PLCB1: variants seen among roughly 807,000 people sequenced by gnomAD.
PLCB1 encodes the protein 1-phosphatidylinositol 4,5-bisphosphate phosphodiesterase beta-1.
In PLCB1, 46 loss-of-function variants were observed where a neutral mutation model predicts 161.8. The ratio of observed to expected loss-of-function variants is 0.28; its 90% confidence interval spans 0.22 to 0.36. PLCB1 has a LOEUF of 0.36. Ranked by LOEUF, PLCB1 falls within the 10% of genes least tolerant of loss-of-function variation. The pLI is 1.00. For missense variants in PLCB1, 1,016 were observed against 1,472.5 expected (o/e 0.69, Z 5.07); for synonymous variants, 517 against 503.7 (o/e 1.03, Z -0.35).
chr20:8,793,797 C>G (rs1005318355), intron 31 of PLCB1, among the ~76,000 whole-genome samples: 1 of 152,162 alleles, frequency 6.6e-6, no homozygotes, highest in Non-Finnish European at 1.5e-5. Context: ...ATCAACTGGT[C>G]TGACCAAAAT....
intron 2 of PLCB1, among the ~76,000 whole-genome samples, chr20:8,297,889 T>G (rs201922564): frequency 6.7e-6 from 1 of 148,214 alleles, no homozygotes; most frequent in Non-Finnish European, 1.5e-5. Context: ...GATTTCTTTT[T>G]GGGTTTTTTT....
At chr20:8,288,602 A>G (rs888403482) in intron 2 of PLCB1, among the ~76,000 whole-genome samples, 5 of 152,164 alleles carry the variant, frequency 3.3e-5, no homozygotes, top group African/African-American at 1.2e-4. Flanking sequence ...CCAGAGGTGC[A>G]TGCATAAACT....
In PLCB1 at chr20:8,791,047, AC is replaced by A. The variant is rs538928997; in HGVS notation, c.3423+787del. On this transcript the variant is annotated intron_variant, in intron 31 of 31. Coordinates refer to ENST00000338037, the MANE Select transcript of PLCB1 (RefSeq NM_015192.4). ...TTTCTCGAGTCCTAAAAGTTAAAAA[AC>A]GTTAGTTTTATTTAATTGTATGTTT... 2.7e-3 allele frequency among the ~76,000 whole-genome samples: 410 copies of A among 152,174 alleles called. 2 individuals carry two copies. Among genetic ancestry groups the A allele is most frequent in the Non-Finnish European group, 4.6e-3 (311 of 67,980 alleles).
chr20:8,432,206 C>T (rs756820105), intron 3 of PLCB1, among the ~76,000 whole-genome samples: 3 of 152,292 alleles, frequency 2.0e-5, no homozygotes, highest in Non-Finnish European at 4.4e-5. Flanking sequence ...GGACGCTCCG[C>T]AAGGCCAGAA....
At chr20:8,590,656 C>T (rs1159118240) in intron 3 of PLCB1, among the ~76,000 whole-genome samples, 3 of 152,164 alleles carry the variant, frequency 2.0e-5, no homozygotes, top group Non-Finnish European at 4.4e-5. Flanking sequence ...CTCACCTTTT[C>T]CAGCTTCATA....
At chr20:8,810,965 C>A (rs1459391554) in intron 31 of PLCB1, among the ~76,000 whole-genome samples, 1 of 151,926 alleles carries the variant, frequency 6.6e-6, no homozygotes, top group African/African-American at 2.4e-5. Flanking sequence ...AGATTGAGAC[C>A]CTGTCTCAAA....
intron 31 of PLCB1, among the ~76,000 whole-genome samples, chr20:8,803,249 CCTTT>C (rs1294974507): frequency 6.6e-6 from 1 of 151,764 alleles, no homozygotes; most frequent in Non-Finnish European, 1.5e-5. Context: ...GGAAAGTCTG[CCTTT>C]CTAAGTAGCT....
chr20:8,472,224 A>G (rs185001631), intron 3 of PLCB1, among the ~76,000 whole-genome samples: 1 of 152,310 alleles, frequency 6.6e-6, no homozygotes, highest in Admixed American at 6.5e-5. Flanking sequence ...ATTGTTTGCA[A>G]ATCTTTGTGG....
At chr20:8,702,106 C>G (rs1978397989) in intron 11 of PLCB1, among the ~76,000 whole-genome samples, 1 of 152,128 alleles carries the variant, frequency 6.6e-6, no homozygotes, top group Non-Finnish European at 1.5e-5. Context: ...GCATTTGCTC[C>G]CTGTTTACTG....
intron 4 of PLCB1, among the ~76,000 whole-genome samples, chr20:8,645,040 A>G (rs1989122449): frequency 1.3e-5 from 2 of 152,158 alleles, no homozygotes; most frequent in Admixed American, 6.5e-5. Flanking sequence ...GCTCTCTGAA[A>G]CATGTGCTGT....
At chr20:8,219,264 G>A (rs529539508) in intron 2 of PLCB1, among the ~76,000 whole-genome samples, 1 of 152,170 alleles carries the variant, frequency 6.6e-6, no homozygotes, top group South Asian at 2.1e-4. Context: ...ATATTTAAAT[G>A]AGAGTATTAT....
intron 1 of PLCB1, among the ~76,000 whole-genome samples, chr20:8,137,966 G>T (rs2051365672): frequency 6.6e-6 from 1 of 152,194 alleles, no homozygotes; most frequent in African/African-American, 2.4e-5. Context: ...CCATTGATTG[G>T]GTTCTTGTCT....
chr20:8,200,702 C>G (rs1048142544), intron 2 of PLCB1, among the ~76,000 whole-genome samples: 5 of 151,938 alleles, frequency 3.3e-5, no homozygotes, highest in African/African-American at 1.2e-4. Context: ...TCACCACACA[C>G]TTTTCCAACT....
chr20:8,695,660 C>T (rs562238275), intron 10 of PLCB1, among the ~76,000 whole-genome samples: 13 of 152,192 alleles, frequency 8.5e-5, no homozygotes, highest in Admixed American at 7.9e-4. Flanking sequence ...TATGATCACA[C>T]CACTGCACTC....
intron 3 of PLCB1, among the ~76,000 whole-genome samples, chr20:8,582,931 G>A (rs1986877646): frequency 6.6e-6 from 1 of 150,864 alleles, no homozygotes; most frequent in Non-Finnish European, 1.5e-5. Context: ...GGAAGTTGCA[G>A]TGAGCCGAGA....
chr20:8,334,407 C>T (rs143260493), intron 2 of PLCB1, among the ~76,000 whole-genome samples: 369 of 152,248 alleles, frequency 2.4e-3, no homozygotes, highest in African/African-American at 5.9e-3. Context: ...ACTATAATCA[C>T]TAGCAAATAA....
intron 3 of PLCB1, among the ~76,000 whole-genome samples, chr20:8,622,514 A>G (rs1988214292): frequency 6.6e-6 from 1 of 152,174 alleles, no homozygotes; most frequent in Admixed American, 6.5e-5. Context: ...ACCAGGAATG[A>G]CTGTCCACCA....
intron 3 of PLCB1, among the ~76,000 whole-genome samples, chr20:8,495,654 T>G (rs899864371): frequency 1.1e-5 from 1 of 91,508 alleles, no homozygotes; most frequent in Non-Finnish European, 2.4e-5. Flanking sequence ...GCCTTGGCCT[T>G]CCGAAGTGCT....
intron 3 of PLCB1, among the ~76,000 whole-genome samples, chr20:8,379,989 T>A (rs574265986): frequency 6.6e-6 from 1 of 152,372 alleles, no homozygotes; most frequent in Admixed American, 6.5e-5. Context: ...TTGTCAAGCT[T>A]GGCTTTTGTT....
Sources: gnomAD v4.1 joint callset for allele counts (sites outside exome capture counted in the v4.1 genomes callset) on GRCh38, gnomAD v4.1.1 for gene constraint, MANE v1.5 for transcripts, NCBI Gene and HGNC (gene_info 2026-07-23, HGNC 2026-07-21) for gene names.